The following CCDC171 variants were observed in gnomAD, a reference collection of about 807,000 sequenced individuals.
CCDC171 encodes coiled-coil domain-containing protein 171.
Under a neutral mutation model 168.2 loss-of-function variants are expected in CCDC171, and 177 were observed. That is an observed-to-expected ratio of 1.05 (90% CI 0.93 to 1.19). The LOEUF is 1.19. CCDC171 is among the 50% of genes most tolerant of loss of function. The probability of loss-of-function intolerance (pLI) is 0.00; values close to 1 mark genes in which losing one functional copy is unlikely to be tolerated. For synonymous variants in CCDC171, 687 were observed against 540.8 expected (o/e 1.27, Z -3.75); for missense variants, 1,991 against 1,539.0 (o/e 1.29, Z -4.91).
At chr9:15,787,145 G>T (rs965778942) in intron 21 of CCDC171, among the ~76,000 whole-genome samples, 2 of 151,998 alleles carry the variant, frequency 1.3e-5, no homozygotes, top group Admixed American at 1.3e-4. Context: ...CATTTAGGGT[G>T]TATTTTGATG....
chr9:15,841,730 C>G (rs2060688709), intron 21 of CCDC171, among the ~76,000 whole-genome samples: 1 of 151,808 alleles, frequency 6.6e-6, no homozygotes, highest in East Asian at 1.9e-4. Context: ...TGTAAATTAT[C>G]TAATTGTTTA....
At chr9:15,717,781 A>T (rs1270128640) in intron 11 of CCDC171, among the ~76,000 whole-genome samples, 2 of 152,058 alleles carry the variant, frequency 1.3e-5, no homozygotes. Context: ...TCCTGGCAGG[A>T]TTCATCACCT....
intron 10 of CCDC171, among the ~76,000 whole-genome samples, chr9:15,687,323 G>A (rs767684387): frequency 2.6e-5 from 4 of 152,062 alleles, no homozygotes; most frequent in Non-Finnish European, 5.9e-5. Flanking sequence ...GGGCATGGTG[G>A]TCCATGCCTG....
intron 24 of CCDC171, among the ~76,000 whole-genome samples, chr9:15,883,854 T>C (rs1819033243): frequency 6.6e-6 from 1 of 152,162 alleles, no homozygotes; most frequent in Non-Finnish European, 1.5e-5. Flanking sequence ...TATTATTCCT[T>C]TTCTTAATAG....
chr9:15,657,140 G>C lies in CCDC171; in HGVS notation c.836G>C (p.Arg279Thr). ...ATTTGTTTTCAGGCAACTACTCTAA[G>C]AGTGAGGAAATTAGAAGAAAACATT... ...LRKEFEATTL[R>T]VRKLEENIEA... is the part of the protein sequence containing the mutation. The change falls in exon 8 of 26, where the codon AGA (arginine) becomes ACA (threonine). Residue 279 changes from arginine (R) to threonine (T), a missense_variant. Transcript: ENST00000380701. The C allele has an allele frequency of 1.2e-6, 2 of 1,604,606 alleles. No homozygotes were observed. Among genetic ancestry groups the C allele is most frequent in the South Asian group, 1.1e-5 (1 of 90,462 alleles).
intron 7 of CCDC171, among the ~76,000 whole-genome samples, chr9:15,654,241 C>T (rs1484066250): frequency 6.6e-6 from 1 of 150,806 alleles, no homozygotes; most frequent in Non-Finnish European, 1.5e-5. Flanking sequence ...TATAATAGCT[C>T]ATTAAGAAAT....
chr9:15,893,885 G>C (rs756202170), intron 24 of CCDC171, among the ~76,000 whole-genome samples: 1 of 152,160 alleles, frequency 6.6e-6, no homozygotes, highest in Non-Finnish European at 1.5e-5. Context: ...CAAAGACCTA[G>C]AGGCAGAAAT....
rs75913733 is a variant in CCDC171 at position 15,954,137 on chromosome 9, C to T, written c.3754-17472C>T. The stretch of plus-strand genomic sequence containing the variant: ...AACCAACTTTTGGTTTCATTGATTT[C>T]CTCTACTTACTTTCTTTTTTTTTTT... On this transcript the variant is annotated intron_variant, in intron 25 of 25. Transcript: ENST00000380701. Among the ~76,000 whole-genome samples, 57 of 148,306 alleles carry T rather than the reference C, an allele frequency of 3.8e-4. No individual in the cohort carries two copies. In the East Asian group the frequency reaches 0.011, roughly 28 times the overall value.
intron 3 of CCDC171, among the ~76,000 whole-genome samples, chr9:15,576,834 A>T (rs1304763986): frequency 6.6e-6 from 1 of 152,192 alleles, no homozygotes; most frequent in Non-Finnish European, 1.5e-5. Flanking sequence ...CTTCTGTAGC[A>T]TACTGAGATC....
At chr9:15,643,888 G>C (rs1349540280) in intron 7 of CCDC171, among the ~76,000 whole-genome samples, 1 of 152,032 alleles carries the variant, frequency 6.6e-6, no homozygotes, top group Non-Finnish European at 1.5e-5. Context: ...TTAATCCATG[G>C]TATCACATTT....
chr9:15,782,074 A>G (rs1319102729), intron 20 of CCDC171, among the ~76,000 whole-genome samples: 1 of 152,192 alleles, frequency 6.6e-6, no homozygotes, highest in East Asian at 1.9e-4. Context: ...AAAACATAAT[A>G]GATGAAGAAA....
intron 7 of CCDC171, among the ~76,000 whole-genome samples, chr9:15,633,360 A>C (rs117951769): frequency 6.6e-6 from 1 of 152,356 alleles, no homozygotes; most frequent in East Asian, 1.9e-4. Context: ...AAACGGGGCA[A>C]AGGACATGAA....
intron 7 of CCDC171, among the ~76,000 whole-genome samples, chr9:15,639,223 C>A (rs1326878708): frequency 6.6e-6 from 1 of 151,900 alleles, no homozygotes; most frequent in Non-Finnish European, 1.5e-5. Flanking sequence ...TTCAAAGGTC[C>A]ATTTGCATAG....
At chr9:15,847,125 T>C (rs1245542377) in intron 22 of CCDC171, among the ~76,000 whole-genome samples, 2 of 152,114 alleles carry the variant, frequency 1.3e-5, no homozygotes, top group African/African-American at 2.4e-5. Context: ...AAACTATGTT[T>C]TATTAATGTG....
At chr9:15,608,978 G>GCC (rs2043441906) in intron 6 of CCDC171, among the ~76,000 whole-genome samples, 4 of 124,144 alleles carry the variant, frequency 3.2e-5, no homozygotes, top group African/African-American at 1.2e-4. Flanking sequence ...AAAAAGAGTG[G>GCC]TTTTTTTTTA....
intron 7 of CCDC171, among the ~76,000 whole-genome samples, chr9:15,648,897 C>A (rs970400154): frequency 2.6e-5 from 4 of 152,152 alleles, no homozygotes; most frequent in African/African-American, 9.7e-5. Flanking sequence ...GAAAAAACTA[C>A]TTTGAAGTTC....
chr9:15,966,334 A>C (rs372359501), intron 25 of CCDC171, among the ~76,000 whole-genome samples: 1 of 152,174 alleles, frequency 6.6e-6, no homozygotes, highest in Non-Finnish European at 1.5e-5. Flanking sequence ...GAACTATGGA[A>C]TGTCCTATTT....
intron 6 of CCDC171, among the ~76,000 whole-genome samples, chr9:15,598,746 G>A (rs552862648): frequency 9.9e-5 from 15 of 152,170 alleles, no homozygotes; most frequent in African/African-American, 1.7e-4. Context: ...GTTGACAGTG[G>A]GGTGTTAAAG....
intron 24 of CCDC171, among the ~76,000 whole-genome samples, chr9:15,893,879 G>A (rs1820536331): frequency 6.6e-6 from 1 of 152,122 alleles, no homozygotes; most frequent in African/African-American, 2.4e-5. Context: ...ATTCCTCAAA[G>A]ACCTAGAGGC....
Sources: allele counts gnomAD v4.1 joint callset (sites outside exome capture counted in the v4.1 genomes callset), GRCh38; gene constraint gnomAD v4.1.1; transcripts MANE v1.5; gene names NCBI Gene and HGNC (gene_info 2026-07-23, HGNC 2026-07-21).